Variants in RANBP2 observed in about 807,000 individuals in gnomAD.
The protein encoded by RANBP2 is E3 SUMO-protein ligase RanBP2.
RANBP2 carries 57 observed loss-of-function variants against 303.6 expected under a neutral mutation model. The observed-to-expected ratio is 0.19, with a 90% confidence interval of 0.15 to 0.23. The LOEUF is 0.23. Ranked by LOEUF, RANBP2 falls within the 10% of genes least tolerant of loss-of-function variation. The probability of loss-of-function intolerance (pLI) is 1.00; values close to 1 mark genes in which losing one functional copy is unlikely to be tolerated. For missense variants in RANBP2, 3,138 were observed against 3,780.8 expected (o/e 0.83, Z 4.46); for synonymous variants, 1,167 against 1,301.5 (o/e 0.90, Z 2.23).
chr2:109,292,762 C>T, the RANBP2 span, among the ~76,000 whole-genome samples: 6 of 152,084 alleles, frequency 3.9e-5, no homozygotes, highest in Non-Finnish European at 8.8e-5. Context: ...GATGGAGTTT[C>T]ACTCTTGTTG....
the RANBP2 span, among the ~76,000 whole-genome samples, chr2:109,034,641 G>C: frequency 6.6e-6 from 1 of 152,206 alleles, no homozygotes; most frequent in African/African-American, 2.4e-5. Context: ...GTGGGGCCGG[G>C]TGCCCCATCT....
At chr2:109,102,645 C>T in the RANBP2 span, among the ~76,000 whole-genome samples, 1 of 152,182 alleles carries the variant, frequency 6.6e-6, no homozygotes, top group Admixed American at 6.5e-5. Flanking sequence ...AGCTATTTTT[C>T]TCAAAAGCCT....
the RANBP2 span, among the ~76,000 whole-genome samples, chr2:109,698,701 T>A: frequency 1.1e-3 from 167 of 151,988 alleles, no homozygotes; most frequent in Non-Finnish European, 1.6e-3. Context: ...TTTTTTTTTT[T>A]AAATTTAGTT....
At chr2:109,190,375 T>C in the RANBP2 span, among the ~76,000 whole-genome samples, 1 of 152,236 alleles carries the variant, frequency 6.6e-6, no homozygotes, top group Non-Finnish European at 1.5e-5. Flanking sequence ...GGTTTCGCCA[T>C]GTTGGCCAGG....
At chr2:109,595,579 G>A in the RANBP2 span, among the ~76,000 whole-genome samples, 3 of 152,128 alleles carry the variant, frequency 2.0e-5, no homozygotes, top group African/African-American at 7.2e-5. Flanking sequence ...CTGAAGGCAG[G>A]AGTCAAAGAA....
the RANBP2 span, among the ~76,000 whole-genome samples, chr2:108,959,151 A>C: frequency 6.6e-6 from 1 of 152,106 alleles, no homozygotes; most frequent in Non-Finnish European, 1.5e-5. Flanking sequence ...TGACTAATGG[A>C]GTGTATATGG....
chr2:109,488,646 G>A, the RANBP2 span, among the ~76,000 whole-genome samples: 1 of 152,184 alleles, frequency 6.6e-6, no homozygotes, highest in Non-Finnish European at 1.5e-5. Flanking sequence ...AGTTCCCGAT[G>A]TGTGTTCCTG....
the RANBP2 span, among the ~76,000 whole-genome samples, chr2:109,377,679 T>C: frequency 6.6e-6 from 1 of 152,242 alleles, no homozygotes; most frequent in Non-Finnish European, 1.5e-5. Context: ...GAGTTCCTGC[T>C]GATGGCCATT....
the RANBP2 span, among the ~76,000 whole-genome samples, chr2:109,235,513 A>G: frequency 1.3e-5 from 2 of 152,360 alleles, no homozygotes; most frequent in Non-Finnish European, 2.9e-5. Flanking sequence ...ACATGGGGCC[A>G]TCTGGTCACC....
At chr2:109,165,488 A>G in the RANBP2 span, among the ~76,000 whole-genome samples, 1 of 152,210 alleles carries the variant, frequency 6.6e-6, no homozygotes, top group East Asian at 1.9e-4. Flanking sequence ...TTAAGACAGG[A>G]GCTGTCAAAC....
At chr2:109,165,138 A>G in the RANBP2 span, among the ~76,000 whole-genome samples, 3 of 152,262 alleles carry the variant, frequency 2.0e-5, no homozygotes, top group African/African-American at 2.4e-5. Context: ...AGTAAGGACA[A>G]ATGAACTTAG....
chr2:109,149,964 C>T, the RANBP2 span, among the ~76,000 whole-genome samples: 98 of 152,250 alleles, frequency 6.4e-4, 1 homozygote, highest in South Asian at 0.019. Context: ...ACTTGGGGTG[C>T]ATGTTGAAGT....
At chr2:109,088,273 T>A in the RANBP2 span, among the ~76,000 whole-genome samples, 2 of 151,268 alleles carry the variant, frequency 1.3e-5, no homozygotes, top group Non-Finnish European at 2.9e-5. Flanking sequence ...GGCGCGCGCC[T>A]GTAGTTCCAG....
chr2:109,647,197 C>T, the RANBP2 span, among the ~76,000 whole-genome samples: 4,458 of 124,872 alleles, frequency 0.036, 82 homozygotes, highest in South Asian at 0.081. Flanking sequence ...TGGAATCTCG[C>T]TCTGTCGTCA....
the RANBP2 span, among the ~76,000 whole-genome samples, chr2:109,194,989 A>G: frequency 6.6e-6 from 1 of 152,152 alleles, no homozygotes; most frequent in Non-Finnish European, 1.5e-5. Context: ...TTTTTTGTGG[A>G]TTTTGAGAAC....
the RANBP2 span, among the ~76,000 whole-genome samples, chr2:108,974,687 G>T: frequency 1.3e-5 from 2 of 151,434 alleles, no homozygotes; most frequent in African/African-American, 4.9e-5. Flanking sequence ...CCGAGATAGC[G>T]CCACTGCACT....
the RANBP2 span, among the ~76,000 whole-genome samples, chr2:109,607,623 G>A: frequency 6.6e-6 from 1 of 152,078 alleles, no homozygotes; most frequent in Non-Finnish European, 1.5e-5. Flanking sequence ...AATTAAATCT[G>A]TTATTAATTA....
chr2:108,966,793 G>A, the RANBP2 span, among the ~76,000 whole-genome samples: 1 of 152,248 alleles, frequency 6.6e-6, no homozygotes, highest in Non-Finnish European at 1.5e-5. Context: ...ACAGTGGAGG[G>A]AGGATTGATT....
chr2:108,765,565 G>C lies in RANBP2; in HGVS notation c.5026G>C (p.Val1676Leu), dbSNP rs534417036. 1.3e-6 allele frequency: 2 copies of C among 1,526,260 alleles called. No homozygotes were observed. Among genetic ancestry groups the C allele is most frequent in the African/African-American group, 4.0e-5 (2 of 50,390 alleles). The allele number at this position is 1,526,260 out of a possible 1,614,324, so 94.5% of individuals were successfully genotyped here. The change falls in exon 20 of 29, where the codon GTA (valine) becomes CTA (leucine). Residue 1676 changes from valine to leucine, a missense_variant. By Grantham distance (32) the Val-to-Leu change is conservative. Around this residue, in one of 20 missense-constraint regions of RANBP2, gnomAD observed 51 missense variants for 112.1 expected, o/e 0.45. Coordinates refer to ENST00000283195, the MANE Select transcript of RANBP2 (RefSeq NM_006267.5). ...ACAGTGGGATTGCAGTGTGTGCTTA[G>C]TAAGAAATGAAGCCAGTGCTACCAA... Reference protein sequence around the residue: ...EGQWDCSVCLVRNEASATKCI... With the variant: ...EGQWDCSVCLLRNEASATKCI...
Sources: gnomAD v4.1 joint callset for allele counts (sites outside exome capture counted in the v4.1 genomes callset) on GRCh38, gnomAD v4.1.1 for gene constraint, gnomAD v4.1.1 regional missense constraint, MANE v1.5 for transcripts, NCBI Gene and HGNC (gene_info 2026-07-23, HGNC 2026-07-21) for gene names.